Variants in ULK4 observed in about 807,000 individuals in gnomAD.
ULK4 encodes the protein unc-51 like kinase 4.
A neutral mutation model predicts 160.6 loss-of-function variants in ULK4; 133 were observed. The ratio of observed to expected loss-of-function variants is 0.83; its 90% CI spans 0.72 to 0.96. The LOEUF (loss-of-function observed/expected upper bound fraction) is 0.96, where lower values mean the gene tolerates loss of function less well. Ranked by LOEUF, ULK4 falls within the 40% of genes least tolerant of loss-of-function variation. The pLI is 0.00. For missense variants in ULK4, 1,580 were observed against 1,499.5 expected (o/e 1.05, Z -0.89); for synonymous variants, 534 against 539.8 (o/e 0.99, Z 0.15).
rs537924853 is a variant in ULK4, at chr3:41,866,503, A to G, written c.1656+17371T>C. The stretch of plus-strand genomic sequence containing the variant: ...TACATCCCTCGCATGCGCAGTTCAC[A>G]ATAGGGTTCACGCTCCTATGAGCAT... On this transcript the variant is annotated intron_variant, in intron 17 of 36. Coordinates refer to ENST00000301831, the MANE Select transcript of ULK4 (RefSeq NM_017886.4). 5.9e-5 allele frequency among the ~76,000 whole-genome samples: 9 copies of G among 152,292 alleles called. No individual in the cohort carries two copies. In the East Asian group the frequency reaches 1.7e-3, roughly 29 times the overall value.
intron 35 of ULK4, among the ~76,000 whole-genome samples, chr3:41,258,059 C>CTTCTGT (rs2078869002): frequency 6.6e-6 from 1 of 152,126 alleles, no homozygotes; most frequent in Non-Finnish European, 1.5e-5. Context: ...GAGTGGACTG[C>CTTCTGT]TTCTGTCTCC....
chr3:41,608,760 G>A (rs779621365), intron 31 of ULK4, among the ~76,000 whole-genome samples: 6 of 152,188 alleles, frequency 3.9e-5, no homozygotes, highest in African/African-American at 1.4e-4. Context: ...GCCATGGCCA[G>A]AATTCAGGGG....
chr3:41,687,485 A>G (rs535378936), intron 27 of ULK4, among the ~76,000 whole-genome samples: 1 of 152,216 alleles, frequency 6.6e-6, no homozygotes. Context: ...AGATACAAAG[A>G]TCTTTAAGGC....
chr3:41,535,778 G>A (rs1329973150), intron 32 of ULK4, among the ~76,000 whole-genome samples: 1 of 152,156 alleles, frequency 6.6e-6, no homozygotes, highest in Non-Finnish European at 1.5e-5. Context: ...CATTTCTATA[G>A]AGTGGACTCA....
chr3:41,618,506 T>G (rs2033086178), intron 30 of ULK4, among the ~76,000 whole-genome samples: 1 of 152,200 alleles, frequency 6.6e-6, no homozygotes, highest in Admixed American at 6.5e-5. Flanking sequence ...AACCCAGAAT[T>G]TCATATGCAG....
intron 35 of ULK4, among the ~76,000 whole-genome samples, chr3:41,346,572 G>A (rs2080804809): frequency 6.6e-6 from 1 of 152,172 alleles, no homozygotes; most frequent in Non-Finnish European, 1.5e-5. Flanking sequence ...CGGACAGAGG[G>A]AGGGAGGCTG....
At chr3:41,556,359 C>A (rs7647782) in intron 32 of ULK4, among the ~76,000 whole-genome samples, 3 of 151,746 alleles carry the variant, frequency 2.0e-5, no homozygotes, top group Non-Finnish European at 2.9e-5. Context: ...CTCTAAAAGA[C>A]ATGGAAAATT....
intron 32 of ULK4, among the ~76,000 whole-genome samples, chr3:41,509,382 A>G (rs111291789): frequency 9.8e-5 from 15 of 152,334 alleles, no homozygotes; most frequent in African/African-American, 3.6e-4. Flanking sequence ...GAGACATGTA[A>G]AAGTTTGGAA....
chr3:41,431,075 C>T (rs1277417838), intron 34 of ULK4, among the ~76,000 whole-genome samples: 2 of 152,162 alleles, frequency 1.3e-5, no homozygotes, highest in Non-Finnish European at 2.9e-5. Flanking sequence ...ACAGGCCGGG[C>T]GCGGTGGCGC....
intron 32 of ULK4, among the ~76,000 whole-genome samples, chr3:41,530,677 G>C (rs796250906): frequency 1.3e-5 from 2 of 152,312 alleles, no homozygotes; most frequent in African/African-American, 4.8e-5. Context: ...AGTTATGGTG[G>C]TTTGTAATTC....
At chr3:41,400,883 T>C (rs954929717) in intron 34 of ULK4, among the ~76,000 whole-genome samples, 31 of 152,356 alleles carry the variant, frequency 2.0e-4, no homozygotes, top group African/African-American at 6.7e-4. Context: ...CTCTGCTAGA[T>C]AGATGGTGGT....
chr3:41,249,424 A>G, intron 36 of ULK4, 65 bp downstream of exon 36: 1 of 1,462,186 alleles, frequency 6.8e-7, no homozygotes, highest in Non-Finnish European at 9.4e-7. Flanking sequence ...AGGAGTGGAG[A>G]AAGGAATGGC....
At chr3:41,931,820 T>G in intron 5 of ULK4, 24 bp downstream of exon 5, 1 of 1,613,498 alleles carries the variant, frequency 6.2e-7, no homozygotes, top group Non-Finnish European at 8.5e-7. Context: ...AGTTATGATC[T>G]TTAAGCTTTC....
In ULK4 at chr3:41,268,978, C is replaced by G. The variant is rs963279781; in HGVS notation, c.3679-19404G>C. 2.6e-5 allele frequency among the ~76,000 whole-genome samples: 4 copies of G among 152,074 alleles called. No individual in the cohort carries two copies. In the East Asian group the frequency reaches 7.7e-4, roughly 29 times the overall value. On this transcript the variant is annotated intron_variant, in intron 35 of 36. Transcript: ENST00000301831. ...ACCCTCAGCTGCTCCCTGGACCAAG[C>G]GCTCACTGGCCACGCTGACCCAACC... is the stretch of plus-strand genomic sequence containing the variant.
In ULK4 at chr3:41,894,413, G is replaced by T. The variant is rs144303875; in HGVS notation, c.1577+1105C>A. On this transcript the variant is annotated intron_variant, in intron 16 of 36. Coordinates refer to ENST00000301831, the MANE Select transcript of ULK4 (RefSeq NM_017886.4). ...TTAAGCATTTTCTAAACTTCTATTG[G>T]TTCACCCATATTTCACCAACATAGA... Among the ~76,000 whole-genome samples the T allele has an allele frequency of 3.1e-3, 474 of 152,028 alleles. 1 individual carries two copies. Among genetic ancestry groups the T allele is most frequent in the African/African-American group, 0.011 (450 of 41,442 alleles).
intron 32 of ULK4, among the ~76,000 whole-genome samples, chr3:41,465,918 G>C (rs2083821539): frequency 6.6e-6 from 1 of 152,142 alleles, no homozygotes; most frequent in African/African-American, 2.4e-5. Context: ...TGGAGTGTTA[G>C]CAACCACCAA....
At chr3:41,520,373 G>A (rs7650622) in intron 32 of ULK4, among the ~76,000 whole-genome samples, 8,240 of 152,206 alleles carry the variant, frequency 0.054, 706 homozygotes, top group African/African-American at 0.19. Context: ...CATTGATAAT[G>A]TATTTTCTAT....
Position 41,373,698 on chromosome 3 carries a change from T to C in ULK4, c.3678+24381A>G, listed in dbSNP as rs545277346. ...AGGAGAAAGCGGGAAAGATCTAAAA[T>C]TGACAACCTAACATCACAATTAAAA... is the stretch of plus-strand genomic sequence containing the variant. On this transcript the variant is annotated intron_variant, in intron 35 of 36. Coordinates refer to ENST00000301831, the MANE Select transcript of ULK4 (RefSeq NM_017886.4). Among the ~76,000 whole-genome samples the C allele has an allele frequency of 8.5e-5, 13 of 152,174 alleles. No individual in the cohort carries two copies. The South Asian group carries it at 1.7e-3, about 19-fold the overall frequency.
chr3:41,909,352 C>T (rs566392857), intron 11 of ULK4, among the ~76,000 whole-genome samples: 1 of 152,230 alleles, frequency 6.6e-6, no homozygotes, highest in Non-Finnish European at 1.5e-5. Context: ...TAAACATATA[C>T]TTACATAGCA....
Sources: allele counts gnomAD v4.1 joint callset (sites outside exome capture counted in the v4.1 genomes callset), GRCh38; gene constraint gnomAD v4.1.1; transcripts MANE v1.5; gene names NCBI Gene and HGNC (gene_info 2026-07-23, HGNC 2026-07-21).